Variants in RXFP2 observed in about 807,000 individuals in gnomAD.
The protein encoded by RXFP2 is relaxin receptor 2.
RXFP2 carries 68 observed loss-of-function variants against 88.6 expected under a neutral mutation model. The ratio of observed to expected loss-of-function variants is 0.77; its 90% CI spans 0.63 to 0.94. The LOEUF (loss-of-function observed/expected upper bound fraction) is 0.94. Ranked by LOEUF, RXFP2 falls within the 40% of genes least tolerant of loss-of-function variation. The pLI is 0.00. For synonymous variants in RXFP2, 329 were observed against 306.8 expected (o/e 1.07, Z -0.76); for missense variants, 791 against 893.9 (o/e 0.88, Z 1.47).
At chr13:31,741,195 A>G (rs1871213791) in intron 1 of RXFP2, among the ~76,000 whole-genome samples, 1 of 152,088 alleles carries the variant, frequency 6.6e-6, no homozygotes, top group East Asian at 1.9e-4. Flanking sequence ...AAAAAGTTCA[A>G]TTAATAATTT....
chr13:31,783,464 C>T (rs933292798), intron 11 of RXFP2, among the ~76,000 whole-genome samples: 1 of 152,300 alleles, frequency 6.6e-6, no homozygotes. Context: ...CTGAATTAAT[C>T]TCTCCCCATT....
At chr13:31,772,470 G>C (rs1019673605) in intron 5 of RXFP2, among the ~76,000 whole-genome samples, 1 of 152,174 alleles carries the variant, frequency 6.6e-6, no homozygotes, top group Non-Finnish European at 1.5e-5. Flanking sequence ...GTTATCCTTA[G>C]AAAAGGCATT....
At chr13:31,758,083 TA>T (rs1390314339) in intron 1 of RXFP2, among the ~76,000 whole-genome samples, 174 bp from the exon 2 acceptor site, 1 of 152,084 alleles carries the variant, frequency 6.6e-6, no homozygotes, top group East Asian at 1.9e-4. Context: ...AGACTCCGTC[TA>T]AAAATAAAAA....
At chr13:31,757,701 T>C (rs1872021671) in intron 1 of RXFP2, among the ~76,000 whole-genome samples, 1 of 152,250 alleles carries the variant, frequency 6.6e-6, no homozygotes, top group Non-Finnish European at 1.5e-5. Flanking sequence ...GGACAATACA[T>C]CTGGTTTTGT....
rs374739986 is a variant in RXFP2, at chr13:31,789,217, G to A, written c.1145+24G>A. 220 of 1,442,886 alleles carry A rather than the reference G, an allele frequency of 1.5e-4. No individual in the cohort carries two copies. In the African/African-American group the frequency reaches 2.6e-3, roughly 17 times the overall value. The allele number at this position is 1,442,886 out of a possible 1,614,324, so 89.4% of individuals were successfully genotyped here. On this transcript the variant is annotated intron_variant, in intron 14 of 17. Transcript: ENST00000298386. Reference sequence around the variant, plus strand: ...ATGTACGTATGTATAAAAAATGGAGGAGGAAGCATGGTAAAATGCTTCAAA... The same window carrying A: ...ATGTACGTATGTATAAAAAATGGAGAAGGAAGCATGGTAAAATGCTTCAAA...
rs4943721 is a variant in RXFP2 at position 31,765,424 on chromosome 13, T to C, written c.425+282T>C. On this transcript the variant is annotated intron_variant, in intron 4 of 17. Coordinates refer to ENST00000298386, the MANE Select transcript of RXFP2 (RefSeq NM_130806.5). ...ATGTATGATTACTACTGTCCTTGTG[T>C]TGAAATGCTTTTTTTTTTTGTTTTA... is the stretch of plus-strand genomic sequence containing the variant. Among the ~76,000 whole-genome samples, 143,180 of 152,000 alleles carry C rather than the reference T, an allele frequency of 0.94. 67,948 individuals are homozygous for C. The highest frequency in any genetic ancestry group is 1 in the Non-Finnish European group (67,792 of 68,000).
chr13:31,783,062 G>T (rs1479268665), intron 11 of RXFP2, among the ~76,000 whole-genome samples: 1 of 152,092 alleles, frequency 6.6e-6, no homozygotes, highest in African/African-American at 2.4e-5. Flanking sequence ...TCTACTGACT[G>T]GAGTATAGTT....
intron 1 of RXFP2, among the ~76,000 whole-genome samples, chr13:31,756,709 C>T (rs375999967): frequency 2.0e-5 from 3 of 151,072 alleles, no homozygotes; most frequent in African/African-American, 7.3e-5. Flanking sequence ...GCAACCTCTG[C>T]CCCCCAAGTT....
chr13:31,787,099 T>C (rs1036575809), intron 13 of RXFP2, among the ~76,000 whole-genome samples: 1 of 152,244 alleles, frequency 6.6e-6, no homozygotes, highest in Non-Finnish European at 1.5e-5. Context: ...AGAAAATTAA[T>C]GTACAGTATT....
At chr13:31,768,439 T>C (rs2138420622) in intron 5 of RXFP2, among the ~76,000 whole-genome samples, 1 of 152,338 alleles carries the variant, frequency 6.6e-6, no homozygotes, top group African/African-American at 2.4e-5. Context: ...CACTTTGGCT[T>C]TGATCTCCAA....
chr13:31,751,199 G>A (rs1056344884), intron 1 of RXFP2, among the ~76,000 whole-genome samples: 2 of 152,120 alleles, frequency 1.3e-5, no homozygotes, highest in African/African-American at 4.8e-5. Context: ...GGCTGAGGCA[G>A]GAGAATCACT....
At chr13:31,782,651 T>C in intron 10 of RXFP2, 25 bp from the exon 11 acceptor site, 1 of 1,575,628 alleles carries the variant, frequency 6.3e-7, no homozygotes, top group East Asian at 2.2e-5. Flanking sequence ...CAAACCCACA[T>C]GCTGATTCTC....
chr13:31,745,430 C>T (rs1394470849), intron 1 of RXFP2, among the ~76,000 whole-genome samples: 1 of 152,162 alleles, frequency 6.6e-6, no homozygotes, highest in Non-Finnish European at 1.5e-5. Context: ...TGGCCATGAG[C>T]AAGCATTATT....
At chr13:31,781,576 A>T in intron 9 of RXFP2, 95 bp from the exon 10 acceptor site, 1 of 850,108 alleles carries the variant, frequency 1.2e-6, no homozygotes, top group Non-Finnish European at 1.9e-6. Flanking sequence ...ACTGGAATGA[A>T]GTAAAAATAA....
chr13:31,789,535 C>T (rs1315735872), intron 14 of RXFP2, among the ~76,000 whole-genome samples: 2 of 152,148 alleles, frequency 1.3e-5, no homozygotes, highest in South Asian at 2.1e-4. Flanking sequence ...AATGAGCAGT[C>T]GGCTGCTCTA....
chr13:31,777,478 A>C (rs753693199), intron 8 of RXFP2, 31 bp downstream of exon 8: 1 of 1,441,998 alleles, frequency 6.9e-7, no homozygotes, highest in Non-Finnish European at 9.7e-7. Context: ...CAATACATCT[A>C]TCGATACATT....
rs560054950 is a variant in RXFP2, at chr13:31,755,795, G to A, written c.95-2463G>A. Among the ~76,000 whole-genome samples, 4 of 152,256 alleles carry A rather than the reference G, an allele frequency of 2.6e-5. No individual in the cohort carries two copies. In the South Asian group the frequency reaches 6.2e-4, roughly 24 times the overall value. On this transcript the variant is annotated intron_variant, in intron 1 of 17. Transcript: ENST00000298386. ...TTGACTGGTCTTATGCCTAGCTGCC[G>A]GTAGTAAATCTTTCATCCACTACTG...
intron 12 of RXFP2, 41 bp downstream of exon 12, chr13:31,786,495 T>C (rs1428864286): frequency 6.5e-7 from 1 of 1,545,512 alleles, no homozygotes; most frequent in Non-Finnish European, 8.9e-7. Context: ...TAAAGGGCAA[T>C]ATTTTGAGCT....
intron 1 of RXFP2, among the ~76,000 whole-genome samples, chr13:31,756,074 A>T (rs1871931881): frequency 8.4e-6 from 1 of 119,450 alleles, no homozygotes; most frequent in Non-Finnish European, 1.8e-5. Context: ...TGATCTACTC[A>T]TCCTAAAAGC....
Sources: allele counts gnomAD v4.1 joint callset (sites outside exome capture counted in the v4.1 genomes callset), GRCh38; gene constraint gnomAD v4.1.1; transcripts MANE v1.5; gene names NCBI Gene and HGNC (gene_info 2026-07-23, HGNC 2026-07-21).